Variants in FHIT observed in about 807,000 individuals in gnomAD.
FHIT encodes bis(5'-adenosyl)-triphosphatase.
FHIT carries 19 observed loss-of-function variants against 17.9 expected under a neutral mutation model. The observed-to-expected ratio is 1.06, with a 90% CI of 0.74 to 1.56. FHIT has a LOEUF of 1.56. Ranked by LOEUF, FHIT falls within the 40% of genes most tolerant of loss-of-function variation. FHIT has a pLI of 0.00. For missense variants in FHIT, 248 were observed against 189.2 expected, an observed-to-expected ratio of 1.31 and a Z score of -1.82; for synonymous variants, 81 against 69.7, an observed-to-expected ratio of 1.16 and a Z score of -0.81.
chr3:60,240,844 T>C (rs1705092803), intron 5 of FHIT, among the ~76,000 whole-genome samples: 2 of 152,128 alleles, frequency 1.3e-5, no homozygotes, highest in African/African-American at 2.4e-5. Flanking sequence ...GAGCTGTACC[T>C]GCTTTGAAAT....
chr3:60,061,208 T>A (rs1261174510), intron 5 of FHIT, among the ~76,000 whole-genome samples: 1 of 152,216 alleles, frequency 6.6e-6, no homozygotes, highest in African/African-American at 2.4e-5. Context: ...TTCAATGGTT[T>A]AAGAGAGCAG....
intron 2 of FHIT, among the ~76,000 whole-genome samples, chr3:61,079,680 A>T (rs1451359911): frequency 2.0e-5 from 3 of 152,214 alleles, no homozygotes; most frequent in African/African-American, 7.2e-5. Flanking sequence ...GTGTGCACAC[A>T]CACACATACA....
chr3:60,436,541 C>T (rs2030263673), intron 5 of FHIT, among the ~76,000 whole-genome samples: 1 of 147,420 alleles, frequency 6.8e-6, no homozygotes, highest in South Asian at 2.2e-4. Context: ...ACATATTAGC[C>T]TTTTAGTTTC....
intron 3 of FHIT, among the ~76,000 whole-genome samples, chr3:60,970,239 A>C (rs2107527514): frequency 6.6e-6 from 1 of 152,188 alleles, no homozygotes; most frequent in South Asian, 2.1e-4. Flanking sequence ...TTTGCTTTCA[A>C]ATATTTTGAG....
chr3:59,783,391 C>T (rs544550116), intron 8 of FHIT, among the ~76,000 whole-genome samples: 18 of 152,296 alleles, frequency 1.2e-4, no homozygotes, highest in African/African-American at 4.3e-4. Context: ...ATCGCTTGAA[C>T]TCCGGAGGTG....
intron 5 of FHIT, among the ~76,000 whole-genome samples, chr3:60,230,937 T>C (rs939138274): frequency 1.3e-5 from 2 of 152,204 alleles, no homozygotes; most frequent in African/African-American, 2.4e-5. Context: ...TCTTGAACTT[T>C]TGGCCTCAAG....
chr3:60,058,989 G>C (rs939295839), intron 5 of FHIT, among the ~76,000 whole-genome samples: 1 of 152,152 alleles, frequency 6.6e-6, no homozygotes, highest in Non-Finnish European at 1.5e-5. Context: ...AACCGAGTGA[G>C]TAAGAAAATC....
At chr3:60,209,370 C>T (rs1703345764) in intron 5 of FHIT, among the ~76,000 whole-genome samples, 4 of 152,126 alleles carry the variant, frequency 2.6e-5, no homozygotes, top group African/African-American at 9.7e-5. Flanking sequence ...ACATGATGAT[C>T]TGTTAGAACC....
At chr3:60,358,325 T>C (rs1175248335) in intron 5 of FHIT, among the ~76,000 whole-genome samples, 1 of 152,196 alleles carries the variant, frequency 6.6e-6, no homozygotes, top group Non-Finnish European at 1.5e-5. Flanking sequence ...GCTGAGAAGT[T>C]TCCTTTCCTT....
At chr3:60,814,907 T>C (rs1553737164) in intron 4 of FHIT, among the ~76,000 whole-genome samples, 2 of 150,932 alleles carry the variant, frequency 1.3e-5, no homozygotes, top group East Asian at 3.9e-4. Flanking sequence ...TTTGTTTTTG[T>C]TGTTTTTTTT....
At chr3:59,812,596 T>A (rs1359900764) in intron 8 of FHIT, among the ~76,000 whole-genome samples, 1 of 152,210 alleles carries the variant, frequency 6.6e-6, no homozygotes, top group African/African-American at 2.4e-5. Flanking sequence ...CTGTGGGAAT[T>A]TGACATTTAT....
intron 4 of FHIT, among the ~76,000 whole-genome samples, chr3:60,557,534 T>C (rs541295487): frequency 6.6e-4 from 100 of 151,840 alleles, no homozygotes; most frequent in Non-Finnish European, 1.3e-3. Flanking sequence ...AAGGTGGCCA[T>C]GCCAGGTCTC....
intron 5 of FHIT, among the ~76,000 whole-genome samples, chr3:60,070,398 T>C (rs1702714177): frequency 6.6e-6 from 1 of 152,198 alleles, no homozygotes; most frequent in South Asian, 2.1e-4. Flanking sequence ...AAAAAATATT[T>C]ACTGAGCACC....
chr3:60,575,498 A>T (rs1483272298), intron 4 of FHIT, among the ~76,000 whole-genome samples: 1 of 152,184 alleles, frequency 6.6e-6, no homozygotes, highest in East Asian at 1.9e-4. Flanking sequence ...GAAACTGTAG[A>T]AACAGGCTTA....
At chr3:59,889,537 A>G (rs535912578) in intron 8 of FHIT, among the ~76,000 whole-genome samples, 1 of 152,332 alleles carries the variant, frequency 6.6e-6, no homozygotes, top group East Asian at 1.9e-4. Context: ...TGGCCAAGTG[A>G]TTTGCATTCT....
chr3:61,175,855 T>C (rs1181453786), intron 2 of FHIT, among the ~76,000 whole-genome samples: 1 of 152,148 alleles, frequency 6.6e-6, no homozygotes, highest in Admixed American at 6.5e-5. Context: ...ATTTCTGTGG[T>C]TTACAAATGA....
chr3:60,047,599 T>A (rs988829111), intron 5 of FHIT, among the ~76,000 whole-genome samples: 3 of 152,218 alleles, frequency 2.0e-5, no homozygotes, highest in Non-Finnish European at 4.4e-5. Flanking sequence ...GTTCCTCAGG[T>A]GCATTAGGCA....
intron 7 of FHIT, among the ~76,000 whole-genome samples, chr3:60,006,559 C>A (rs1322351082): frequency 6.6e-6 from 1 of 151,990 alleles, no homozygotes; most frequent in Non-Finnish European, 1.5e-5. Flanking sequence ...ATGTCCAAAT[C>A]CTAGCCAATC....
At chr3:61,249,639 T>A (rs543276065) in intron 1 of FHIT, among the ~76,000 whole-genome samples, 1 of 152,172 alleles carries the variant, frequency 6.6e-6, no homozygotes, top group Non-Finnish European at 1.5e-5. Flanking sequence ...AGTTTTCTAA[T>A]CTGTAAAGTT....
Sources: allele counts gnomAD v4.1 joint callset (sites outside exome capture counted in the v4.1 genomes callset), GRCh38; gene constraint gnomAD v4.1.1; transcripts MANE v1.5; gene names NCBI Gene and HGNC (gene_info 2026-07-23, HGNC 2026-07-21).